MAGI1: variants seen among roughly 807,000 people sequenced by gnomAD.
The protein encoded by MAGI1 is membrane-associated guanylate kinase, WW and PDZ domain-containing protein 1.
In MAGI1, 58 loss-of-function variants were observed where a neutral mutation model predicts 139.9. The observed-to-expected ratio is 0.41, with a 90% CI of 0.34 to 0.52. The LOEUF (loss-of-function observed/expected upper bound fraction) is 0.52. Ranked by LOEUF, MAGI1 falls within the 20% of genes least tolerant of loss-of-function variation. The pLI, the probability that MAGI1 is intolerant of heterozygous loss-of-function variation, is 0.12. For synonymous variants in MAGI1, 812 were observed against 737.9 expected (o/e 1.10, Z -1.63); for missense variants, 1,874 against 1,901.6 (o/e 0.99, Z 0.27).
intron 1 of MAGI1, among the ~76,000 whole-genome samples, chr3:66,024,711 CAGG>C (rs1163112435): frequency 6.6e-6 from 1 of 152,124 alleles, no homozygotes; most frequent in East Asian, 1.9e-4. Flanking sequence ...GAGGCTGAAG[CAGG>C]AGAATTGCCT....
At chr3:65,999,939 T>C (rs1425746239) in intron 1 of MAGI1, among the ~76,000 whole-genome samples, 1 of 150,390 alleles carries the variant, frequency 6.6e-6, no homozygotes, top group Non-Finnish European at 1.5e-5. Flanking sequence ...TGAGAAAATG[T>C]ACTCTGGTTA....
At position 66,038,301 on chromosome 3, in the gene MAGI1, T is replaced by C. The variant is rs763867872; in HGVS notation, c.8A>G (p.Lys3Arg). ...CCAGTGGTTCTTCTTCTGGATCACT[T>C]TGGACATGATGAGTTACACCCCTCC... MS[K>R]VIQKKNHWTS... Residue 3 changes from lysine to arginine, a missense_variant, in exon 1 of 23, where the codon AAA (lysine) becomes AGA (arginine). This residue lies in a region of MAGI1 where 648 missense variants were observed against 598.1 expected (regional missense o/e 1.08). Coordinates refer to ENST00000402939, the MANE Select transcript of MAGI1 (RefSeq NM_001033057.2). The C allele has an allele frequency of 5.1e-6, 8 of 1,578,130 alleles. No homozygotes were observed. The highest frequency in any genetic ancestry group is 1.8e-5 in the Admixed American group (1 of 56,304).
chr3:65,983,001 C>T (rs1014848740), intron 1 of MAGI1, among the ~76,000 whole-genome samples: 2 of 152,170 alleles, frequency 1.3e-5, no homozygotes, highest in African/African-American at 4.8e-5. Context: ...CTCACTGCAA[C>T]CTCCAACTCC....
chr3:65,379,179 C>A lies in MAGI1; in HGVS notation c.2995+82G>T, dbSNP rs999700931. The A allele has an allele frequency of 1.9e-6, 3 of 1,596,734 alleles. No individual in the cohort carries two copies. The Admixed American group carries it at 5.2e-5, about 27-fold the overall frequency. ...TATAAAGCATTTCTGCACGTGAGGT[C>A]TGAGTCAGCTTTCACTCGCAAGAGA... On this transcript the variant is annotated intron_variant, in intron 17 of 22. Coordinates refer to ENST00000402939, the MANE Select transcript of MAGI1 (RefSeq NM_001033057.2).
At chr3:65,447,911 T>C in intron 7 of MAGI1, 111 bp downstream of exon 7, 1 of 1,193,812 alleles carries the variant, frequency 8.4e-7, no homozygotes. Context: ...AAATCATAAT[T>C]GGAGGAGTGC....
At chr3:65,357,523 C>G (rs889182341) in intron 22 of MAGI1, among the ~76,000 whole-genome samples, 4 of 151,320 alleles carry the variant, frequency 2.6e-5, no homozygotes, top group African/African-American at 2.4e-5. Flanking sequence ...TGTGCCCACC[C>G]GTCTCCCACA....
At chr3:65,744,487 C>G (rs756636222) in intron 1 of MAGI1, among the ~76,000 whole-genome samples, 1 of 152,180 alleles carries the variant, frequency 6.6e-6, no homozygotes, top group Non-Finnish European at 1.5e-5. Flanking sequence ...TATAGTGGCA[C>G]TGTTTTAAAT....
chr3:65,785,339 CCTTTT>C (rs910800426), intron 1 of MAGI1, among the ~76,000 whole-genome samples: 3 of 152,142 alleles, frequency 2.0e-5, no homozygotes, highest in Admixed American at 6.5e-5. Flanking sequence ...CATTCTTCCC[CCTTTT>C]CTTGGACGGA....
At chr3:66,020,103 A>G (rs995573247) in intron 1 of MAGI1, among the ~76,000 whole-genome samples, 3 of 152,174 alleles carry the variant, frequency 2.0e-5, no homozygotes, top group Non-Finnish European at 4.4e-5. Context: ...GCTGTGAGTA[A>G]CAAGGCATAT....
At chr3:65,357,305 G>T (rs553159701) in intron 22 of MAGI1, among the ~76,000 whole-genome samples, 173 bp from the exon 23 acceptor site, 2 of 152,242 alleles carry the variant, frequency 1.3e-5, no homozygotes, top group East Asian at 3.9e-4. Context: ...ACGTAGTTAG[G>T]GTTAAAAACT....
At chr3:65,684,753 G>A (rs913018285) in intron 1 of MAGI1, among the ~76,000 whole-genome samples, 1 of 151,844 alleles carries the variant, frequency 6.6e-6, no homozygotes, top group African/African-American at 2.4e-5. Context: ...CCTGGCAAGA[G>A]TGCAGTGCCA....
intron 5 of MAGI1, among the ~76,000 whole-genome samples, chr3:65,461,501 T>TG (rs1313624074): frequency 6.7e-6 from 1 of 148,494 alleles, no homozygotes; most frequent in East Asian, 2.0e-4. Context: ...TTTTTTTTTT[T>TG]TTTTTAAGAC....
chr3:65,387,146 G>C (rs1453089451), intron 14 of MAGI1: 2 of 1,613,350 alleles, frequency 1.2e-6, no homozygotes, highest in Non-Finnish European at 1.7e-6. Context: ...TCCTTACTCG[G>C]ACATTCTCCA....
intron 18 of MAGI1, among the ~76,000 whole-genome samples, chr3:65,373,793 A>G (rs1942229016): frequency 6.6e-6 from 1 of 152,206 alleles, no homozygotes; most frequent in Non-Finnish European, 1.5e-5. Context: ...GTAAGTGACT[A>G]ACCATGCATT....
chr3:65,640,136 C>A (rs2084905802), intron 1 of MAGI1, among the ~76,000 whole-genome samples: 1 of 151,960 alleles, frequency 6.6e-6, no homozygotes, highest in South Asian at 2.1e-4. Flanking sequence ...TCCTCTGGGT[C>A]TTCAGCTTGT....
chr3:65,597,397 G>A (rs1229505193), intron 2 of MAGI1, among the ~76,000 whole-genome samples: 1 of 151,744 alleles, frequency 6.6e-6, no homozygotes, highest in Non-Finnish European at 1.5e-5. Context: ...AATACAAAGC[G>A]CGCGCCACAC....
chr3:65,797,031 AT>A (rs1398072925), intron 1 of MAGI1, among the ~76,000 whole-genome samples: 1 of 151,966 alleles, frequency 6.6e-6, no homozygotes, highest in East Asian at 1.9e-4. Context: ...TTCCAACAGC[AT>A]TTACTTTTCA....
At chr3:65,563,150 G>C (rs1039656982) in intron 2 of MAGI1, among the ~76,000 whole-genome samples, 1 of 152,048 alleles carries the variant, frequency 6.6e-6, no homozygotes, top group Admixed American at 6.5e-5. Context: ...TGTCCTAATG[G>C]ATTCCAATAA....
At chr3:66,036,015 C>T (rs1206210455) in intron 1 of MAGI1, among the ~76,000 whole-genome samples, 1 of 152,146 alleles carries the variant, frequency 6.6e-6, no homozygotes, top group Non-Finnish European at 1.5e-5. Flanking sequence ...GAGGCATCCC[C>T]CTAGTTGGGC....
Sources: gnomAD v4.1 joint callset for allele counts (sites outside exome capture counted in the v4.1 genomes callset) on GRCh38, gnomAD v4.1.1 for gene constraint, gnomAD v4.1.1 regional missense constraint, MANE v1.5 for transcripts, NCBI Gene and HGNC (gene_info 2026-07-23, HGNC 2026-07-21) for gene names.